Variants in FCMR observed in about 807,000 individuals in gnomAD.
FCMR encodes the protein Fc mu receptor.
A neutral mutation model predicts 41.6 loss-of-function variants in FCMR; 34 were observed. The observed-to-expected ratio is 0.82, with a 90% CI of 0.62 to 1.09. The LOEUF (loss-of-function observed/expected upper bound fraction) is 1.09, where lower values mean the gene tolerates loss of function less well. Among genes scored for constraint, FCMR ranks in the 50% least tolerant of loss-of-function variants. The pLI, the probability that FCMR is intolerant of heterozygous loss-of-function variation, is 0.00. For missense variants in FCMR, 496 were observed against 512.5 expected (o/e 0.97, Z 0.31); for synonymous variants, 209 against 211.8 (o/e 0.99, Z 0.12).
chr1:206,911,671 G>A, intron 4 of FCMR, 59 bp downstream of exon 4: 3 of 1,500,304 alleles, frequency 2.0e-6, no homozygotes, highest in African/African-American at 1.4e-5. Context: ...CATTGCAGTG[G>A]GTTTCAGTGG....
Position 206,905,119 on chromosome 1 carries a change from G to A in FCMR, c.1073C>T (p.Pro358Leu), listed in dbSNP as rs771257745. ...QVSESPWLHAPSLKTSCEYVS... is the reference protein window; with the variant it reads ...QVSESPWLHALSLKTSCEYVS... Reference sequence around the variant, plus strand: ...GTATTCACAGCTGGTCTTCAGAGATGGGGCATGGAGCCAGGGAGATTCAGA... The same window carrying A: ...GTATTCACAGCTGGTCTTCAGAGATAGGGCATGGAGCCAGGGAGATTCAGA... The change falls in exon 8 of 8, where the codon CCA (proline) becomes CTA (leucine). Residue 358 changes from proline to leucine, a missense_variant. Coordinates refer to ENST00000367091, the MANE Select transcript of FCMR (RefSeq NM_005449.5). 28 of 1,613,986 alleles carry A rather than the reference G, an allele frequency of 1.7e-5. No homozygotes were observed. The East Asian group carries it at 3.3e-4, about 19-fold the overall frequency.
Position 206,909,962 on chromosome 1 carries a change from G to T in FCMR, c.842-94C>A. The T allele has an allele frequency of 1.5e-6, 2 of 1,310,714 alleles. No homozygotes were observed. The highest frequency in any genetic ancestry group is 3.5e-5 in the South Asian group (2 of 56,512). The allele number at this position is 1,310,714 out of a possible 1,614,324, so 81.2% of individuals were successfully genotyped here. On this transcript the variant is annotated intron_variant, in intron 5 of 7. Coordinates refer to ENST00000367091, the MANE Select transcript of FCMR (RefSeq NM_005449.5). This position sits in a 1 kb window ranked among gnomAD's most constrained non-coding sequence, Gnocchi z 5.0. ...AAAGGCTGCCTCCTCCCTCGGGCTT[G>T]GCAGTGTCTGACCTGGAGATGCTCC...
chr1:206,913,071 G>A (rs772579482), intron 2 of FCMR, 29 bp from the exon 3 acceptor site: 4 of 1,530,354 alleles, frequency 2.6e-6, no homozygotes, highest in South Asian at 1.1e-5. Context: ...ATATGTTGGT[G>A]GTCTCTAGGG....
At chr1:206,917,793 ATTTT>A in intron 1 of FCMR, 2 of 433,376 alleles carry the variant, frequency 4.6e-6, no homozygotes, top group Admixed American at 2.5e-5. Flanking sequence ...TGTGTGGCGA[ATTTT>A]TTTTTTTTTT....
At chr1:206,921,746 C>G (rs1679448897) in intron 1 of FCMR, 72 bp downstream of exon 1, 1 of 1,377,224 alleles carries the variant, frequency 7.3e-7, no homozygotes, top group Non-Finnish European at 1.0e-6. Context: ...CTAGAGCTAC[C>G]AGGCAATTAT....
intron 3 of FCMR, 108 bp downstream of exon 3, chr1:206,912,821 G>T: frequency 2.6e-6 from 2 of 779,218 alleles, no homozygotes; most frequent in African/African-American, 1.7e-5. Context: ...CTAAGACTCA[G>T]CTCAGCTCTG....
In FCMR at chr1:206,912,845, GA is replaced by G. The variant is rs1384368056; in HGVS notation, c.487+83del. ...AGCTCAGCTCTGCCAGCCACTCTAT[GA>G]ACTGAACATAGACCCCCTCCTCCAT... On this transcript the variant is annotated intron_variant, in intron 3 of 7. Transcript: ENST00000367091. The G allele has an allele frequency of 1.9e-5, 18 of 956,236 alleles. No individual in the cohort carries two copies. In the Middle Eastern group the frequency reaches 7.4e-4, roughly 39 times the overall value. The allele number at this position is 956,236 out of a possible 1,614,324, so 59.2% of individuals were successfully genotyped here.
chr1:206,917,096 G>A (rs530669566), intron 1 of FCMR, among the ~76,000 whole-genome samples: 1 of 152,230 alleles, frequency 6.6e-6, no homozygotes, highest in Non-Finnish European at 1.5e-5. Flanking sequence ...GTGGCTTAAA[G>A]AATCACTCTC....
At chr1:206,918,402 A>T (rs186600395) in intron 1 of FCMR, among the ~76,000 whole-genome samples, 1 of 152,164 alleles carries the variant, frequency 6.6e-6, no homozygotes, top group East Asian at 1.9e-4. Context: ...ATGGCTTTTA[A>T]GGCTAATGCT....
In FCMR at chr1:206,908,030, T is replaced by C. The variant is rs888766905; in HGVS notation, c.1044+1432A>G. 4 of 1,276,504 alleles carry C rather than the reference T, an allele frequency of 3.1e-6. No individual in the cohort carries two copies. In the Admixed American group the frequency reaches 7.0e-5, roughly 22 times the overall value. The allele number at this position is 1,276,504 out of a possible 1,614,324, so 79.1% of individuals were successfully genotyped here. A position where few individuals can be genotyped will look rare whatever the true frequency, so the allele number is the denominator to read the frequency against. On this transcript the variant is annotated intron_variant, in intron 7 of 7. Coordinates refer to ENST00000367091, the MANE Select transcript of FCMR (RefSeq NM_005449.5). Reference sequence around the variant, plus strand: ...AAGCTTACAAGAAAGTTTGCCTATCTGGAGCGCCTGGCTCACGATGGTGGC... The same window carrying C: ...AAGCTTACAAGAAAGTTTGCCTATCCGGAGCGCCTGGCTCACGATGGTGGC...
At position 206,921,090 on chromosome 1, in the gene FCMR, A is replaced by G. The variant is rs376682094; in HGVS notation, c.37+728T>C. On this transcript the variant is annotated intron_variant, in intron 1 of 7. Transcript: ENST00000367091. Reference sequence around the variant, plus strand: ...TATTGAAGCAGAGGTTGCCCAGGAGACAGTTGTAAGTTGAGATATGGAATT... The same window carrying G: ...TATTGAAGCAGAGGTTGCCCAGGAGGCAGTTGTAAGTTGAGATATGGAATT... 3.0e-3 allele frequency among the ~76,000 whole-genome samples: 460 copies of G among 152,300 alleles called. 3 individuals carry two copies. The highest frequency in any genetic ancestry group is 0.01 in the African/African-American group (433 of 41,554).
intron 7 of FCMR, chr1:206,906,280 T>G: frequency 3.4e-6 from 1 of 296,354 alleles, no homozygotes; most frequent in South Asian, 4.2e-5. Context: ...ATTTCCAGGG[T>G]GGGAAGGAAG....
At chr1:206,915,772 C>T (rs1313534590) in intron 1 of FCMR, among the ~76,000 whole-genome samples, 2 of 152,142 alleles carry the variant, frequency 1.3e-5, no homozygotes, top group Non-Finnish European at 2.9e-5. Context: ...TGAGAGAGAA[C>T]ATAGCATGTC....
chr1:206,904,163 C>T lies in FCMR; in HGVS notation c.*856G>A, dbSNP rs1678518097. On this transcript the variant is annotated 3_prime_UTR_variant, in exon 8 of 8. Coordinates refer to ENST00000367091, the MANE Select transcript of FCMR (RefSeq NM_005449.5). ...CCTTCCCCTGCTTGCTATACATTGT[C>T]TGGAACTGGCTAAGAAATGGGGAAC... The T allele has an allele frequency of 6.6e-6, 1 of 152,164 alleles. No homozygotes were observed. 9.4% of individuals were successfully genotyped at this position (152,164 alleles called of 1,614,324 possible). A position where few individuals can be genotyped will look rare whatever the true frequency, so the allele number is the denominator to read the frequency against.
At chr1:206,918,465 T>C (rs1429319154) in intron 1 of FCMR, among the ~76,000 whole-genome samples, 3 of 152,156 alleles carry the variant, frequency 2.0e-5, no homozygotes, top group Non-Finnish European at 4.4e-5. Flanking sequence ...CCAGACTTGC[T>C]CTGACATCTC....
At chr1:206,910,411 G>C (rs1678886302) in intron 4 of FCMR, 71 bp from the exon 5 acceptor site, 2 of 1,254,380 alleles carry the variant, frequency 1.6e-6, no homozygotes, top group Non-Finnish European at 2.1e-6. Context: ...GCTTGCTCCT[G>C]TGTAGCCAAC....
upstream of FCMR, among the ~76,000 whole-genome samples, chr1:206,922,521 C>G (rs929137201): frequency 6.6e-6 from 1 of 152,252 alleles, no homozygotes; most frequent in African/African-American, 2.4e-5. Context: ...CTGCCATTCC[C>G]TCCTGCAGAA....
At chr1:206,912,847 A>T (rs1339154764) in intron 3 of FCMR, 82 bp downstream of exon 3, 1 of 970,086 alleles carries the variant, frequency 1.0e-6, no homozygotes, top group African/African-American at 1.6e-5. Context: ...CACTCTATGA[A>T]CTGAACATAG....
chr1:206,908,224 G>A (rs765204739), intron 7 of FCMR: 24 of 1,407,778 alleles, frequency 1.7e-5, no homozygotes, highest in Non-Finnish European at 2.3e-5. Flanking sequence ...CGGGCTCCTG[G>A]TCTGAGCCCA....
Sources: allele counts gnomAD v4.1 joint callset (sites outside exome capture counted in the v4.1 genomes callset), GRCh38; gene constraint gnomAD v4.1.1; non-coding constraint Gnocchi (gnomAD v3.1); transcripts MANE v1.5; gene names NCBI Gene and HGNC (gene_info 2026-07-23, HGNC 2026-07-21).